BEAN1: variants seen among roughly 807,000 people sequenced by gnomAD.
BEAN1 encodes protein BEAN1.
BEAN1 carries 17 observed loss-of-function variants against 17.7 expected under a neutral mutation model. That is an observed-to-expected ratio of 0.96 (90% confidence interval 0.66 to 1.44). The LOEUF is 1.44. Among genes scored for constraint, BEAN1 ranks in the 40% most tolerant of loss-of-function variants. The pLI is 0.00. For synonymous variants in BEAN1, 142 were observed against 151.8 expected (o/e 0.94, Z 0.47); for missense variants, 359 against 374.1 (o/e 0.96, Z 0.33).
chr16:66,439,980 C>G (rs969258614), intron 2 of BEAN1, among the ~76,000 whole-genome samples: 9 of 152,164 alleles, frequency 5.9e-5, no homozygotes, highest in African/African-American at 2.2e-4. Flanking sequence ...CACCTGGTGT[C>G]CCCTTCCAGC....
chr16:66,433,720 A>G (rs1296399068), intron 1 of BEAN1, among the ~76,000 whole-genome samples: 1 of 152,236 alleles, frequency 6.6e-6, no homozygotes, highest in Non-Finnish European at 1.5e-5. Flanking sequence ...AGCTGACAGC[A>G]TGTGGCAGCA....
intron 3 of BEAN1, 184 bp downstream of exon 3, chr16:66,470,049 G>A: frequency 1.2e-6 from 1 of 810,138 alleles, no homozygotes; most frequent in Non-Finnish European, 1.9e-6. Flanking sequence ...TGACATGAGA[G>A]GCCCGGATGA....
chr16:66,458,312 G>A (rs1049920832), intron 2 of BEAN1, among the ~76,000 whole-genome samples: 1 of 152,162 alleles, frequency 6.6e-6, no homozygotes, highest in Non-Finnish European at 1.5e-5. Context: ...GTGATGGTCT[G>A]CCTCAGTTTC....
intron 2 of BEAN1, among the ~76,000 whole-genome samples, chr16:66,440,395 A>G (rs142844485): frequency 3.1e-4 from 47 of 152,072 alleles, no homozygotes; most frequent in African/African-American, 1.1e-3. Flanking sequence ...CCTCCCAAAG[A>G]GCTGGGATTA....
intron 2 of BEAN1, among the ~76,000 whole-genome samples, chr16:66,438,577 C>T (rs890557342): frequency 2.6e-5 from 4 of 152,148 alleles, no homozygotes; most frequent in African/African-American, 7.2e-5. Flanking sequence ...TCCTCATTCG[C>T]GGAAGCCTGT....
At chr16:66,484,992 C>A (rs949578190), downstream of BEAN1, 1 of 454,116 alleles carries the variant, frequency 2.2e-6, no homozygotes, top group Admixed American at 2.3e-5. The surrounding 1 kb of genome is among the most constrained non-coding windows in gnomAD (Gnocchi z 4.2). Context: ...TCCACAAGAG[C>A]CATCATTGGG....
intron 2 of BEAN1, among the ~76,000 whole-genome samples, chr16:66,443,486 A>T (rs1962334153): frequency 6.6e-6 from 1 of 152,202 alleles, no homozygotes; most frequent in African/African-American, 2.4e-5. Context: ...AGCTGGAAAA[A>T]GGACAAGGGT....
intron 2 of BEAN1, among the ~76,000 whole-genome samples, chr16:66,458,271 C>T (rs1160417042): frequency 6.6e-6 from 1 of 152,144 alleles, no homozygotes; most frequent in African/African-American, 2.4e-5. Flanking sequence ...TGTGGAGCTG[C>T]CTCCATGCTA....
chr16:66,492,821 G>A, intron 4 of BEAN1: 1 of 604,802 alleles, frequency 1.7e-6, no homozygotes, highest in Non-Finnish European at 2.9e-6. Context: ...GCTTTCCTTT[G>A]GCCAAATGCC....
At chr16:66,474,432 T>C (rs1474352267) in intron 3 of BEAN1, among the ~76,000 whole-genome samples, 1 of 150,442 alleles carries the variant, frequency 6.6e-6, no homozygotes, top group Non-Finnish European at 1.5e-5. Context: ...CCCATCACCC[T>C]CAGGACAGAG....
At chr16:66,472,239 A>G (rs1963512257) in intron 3 of BEAN1, among the ~76,000 whole-genome samples, 1 of 152,218 alleles carries the variant, frequency 6.6e-6, no homozygotes. Context: ...CATTGCACCC[A>G]TGCCTCCCTC....
chr16:66,437,548 G>A (rs1269223269), intron 1 of BEAN1, 47 bp from the exon 2 acceptor site: 3 of 1,128,380 alleles, frequency 2.7e-6, no homozygotes, highest in Non-Finnish European at 3.7e-6. Context: ...CAGGGGCTGT[G>A]GGTGCGCCAT....
chr16:66,456,206 T>C (rs1395748263), intron 2 of BEAN1, among the ~76,000 whole-genome samples: 2 of 152,152 alleles, frequency 1.3e-5, no homozygotes, highest in Non-Finnish European at 2.9e-5. Context: ...AAATATTCTC[T>C]CTCCCCTGGG....
intron 4 of BEAN1, among the ~76,000 whole-genome samples, chr16:66,488,635 G>A (rs1964123510): frequency 6.6e-6 from 1 of 152,076 alleles, no homozygotes; most frequent in South Asian, 2.1e-4. Flanking sequence ...GGAGGTCAAG[G>A]CTGCAGTGAG....
At chr16:66,456,731 C>G (rs1347824188) in intron 2 of BEAN1, among the ~76,000 whole-genome samples, 1 of 152,202 alleles carries the variant, frequency 6.6e-6, no homozygotes, top group Non-Finnish European at 1.5e-5. Flanking sequence ...GTGAGTTTTT[C>G]AGCCAATAAA....
chr16:66,446,435 G>T (rs1019798234), intron 2 of BEAN1, among the ~76,000 whole-genome samples: 1 of 152,140 alleles, frequency 6.6e-6, no homozygotes, highest in Non-Finnish European at 1.5e-5. Context: ...TTTGGTGGGG[G>T]GCTGTGAGTC....
chr16:66,454,931 T>A (rs1567493265), intron 2 of BEAN1, among the ~76,000 whole-genome samples: 1 of 152,040 alleles, frequency 6.6e-6, no homozygotes, highest in Non-Finnish European at 1.5e-5. Context: ...ATGGAGGCAG[T>A]CATAGGCAAG....
At position 66,481,030 on chromosome 16, in the gene BEAN1, C is replaced by G. The variant is rs757987513; in HGVS notation, c.*105C>G. The G allele has an allele frequency of 5.3e-5, 55 of 1,040,448 alleles. No homozygotes were observed. Among genetic ancestry groups the G allele is most frequent in the Non-Finnish European group, 7.1e-5 (53 of 744,266 alleles). The allele number at this position is 1,040,448 out of a possible 1,614,324, so 64.5% of individuals were successfully genotyped here. ...ACAGAGATGCACACGTGACTCATAACACACACATAGACCAAACTTGTATAC... is the reference window on the plus strand; with the variant it reads ...ACAGAGATGCACACGTGACTCATAAGACACACATAGACCAAACTTGTATAC... On this transcript the variant is annotated 3_prime_UTR_variant, in exon 5 of 5. Transcript: ENST00000536005. The surrounding 1 kb of genome is among the most constrained non-coding windows in gnomAD (Gnocchi z 4.1).
intron 1 of BEAN1, among the ~76,000 whole-genome samples, chr16:66,432,724 C>T (rs994048514): frequency 2.6e-5 from 4 of 152,222 alleles, no homozygotes; most frequent in Non-Finnish European, 5.9e-5. Context: ...CTCCTTCTTC[C>T]TCACCCTCTC....
Sources: allele counts gnomAD v4.1 joint callset (sites outside exome capture counted in the v4.1 genomes callset), GRCh38; gene constraint gnomAD v4.1.1; non-coding constraint Gnocchi (gnomAD v3.1); transcripts MANE v1.5; gene names NCBI Gene and HGNC (gene_info 2026-07-23, HGNC 2026-07-21).